The following MLLT10 variants were observed in gnomAD, a reference collection of about 807,000 sequenced individuals.
The protein encoded by MLLT10 is MLLT10 histone lysine methyltransferase DOT1L cofactor.
MLLT10 carries 30 observed loss-of-function variants against 129.1 expected under a neutral mutation model. The ratio of observed to expected loss-of-function variants is 0.23; its 90% CI spans 0.17 to 0.32. The LOEUF (loss-of-function observed/expected upper bound fraction) is 0.32. MLLT10 is among the 10% of genes least tolerant of loss of function. MLLT10 has a pLI of 1.00. For synonymous variants in MLLT10, 490 were observed against 446.4 expected (o/e 1.10, Z -1.23); for missense variants, 1,119 against 1,268.3 (o/e 0.88, Z 1.79).
intron 8 of MLLT10, chr10:21,625,024 A>G (rs2046294863): frequency 1.0e-6 from 1 of 973,892 alleles, no homozygotes; most frequent in Middle Eastern, 2.1e-4. Flanking sequence ...TAGCCATAGT[A>G]GGGAATCTTC....
intron 2 of MLLT10, among the ~76,000 whole-genome samples, chr10:21,537,362 A>G (rs535845772): frequency 5.3e-5 from 8 of 152,096 alleles, no homozygotes; most frequent in South Asian, 2.1e-4. Flanking sequence ...CAGTGGGGCA[A>G]TCTCGGCTCA....
intron 10 of MLLT10, among the ~76,000 whole-genome samples, chr10:21,672,795 A>G (rs1307591806): frequency 6.6e-6 from 1 of 152,230 alleles, no homozygotes; most frequent in African/African-American, 2.4e-5. Context: ...CAGCTGAACA[A>G]TAACAATCAC....
intron 3 of MLLT10, among the ~76,000 whole-genome samples, chr10:21,581,131 T>C (rs1219122195): frequency 2.0e-5 from 3 of 151,250 alleles, no homozygotes; most frequent in Non-Finnish European, 2.9e-5. Context: ...CTGCAAGCTC[T>C]GCTTCCCGGG....
chr10:21,681,460 C>T, intron 12 of MLLT10, 84 bp downstream of exon 12: 3 of 919,996 alleles, frequency 3.3e-6, no homozygotes, highest in Non-Finnish European at 5.0e-6. Flanking sequence ...CTCGGAACCT[C>T]TAAATTTTAA....
intron 9 of MLLT10, among the ~76,000 whole-genome samples, chr10:21,654,182 A>G (rs1183730150): frequency 4.6e-5 from 7 of 152,206 alleles, no homozygotes; most frequent in African/African-American, 1.7e-4. Flanking sequence ...TGCTTTATAG[A>G]GAGAATGGGG....
intron 3 of MLLT10, among the ~76,000 whole-genome samples, chr10:21,550,019 C>G (rs751176452): frequency 6.6e-6 from 1 of 152,168 alleles, no homozygotes; most frequent in Non-Finnish European, 1.5e-5. Context: ...TTAATTGTTA[C>G]TGAGCCTGCA....
chr10:21,654,447 C>G (rs1445534148), intron 9 of MLLT10, among the ~76,000 whole-genome samples: 1 of 152,054 alleles, frequency 6.6e-6, no homozygotes, highest in Non-Finnish European at 1.5e-5. Context: ...TGTGATAAAT[C>G]CAGACGTTTT....
chr10:21,700,374 T>A (rs1162257101), intron 13 of MLLT10, among the ~76,000 whole-genome samples: 1 of 152,202 alleles, frequency 6.6e-6, no homozygotes, highest in Admixed American at 6.5e-5. Flanking sequence ...GTTGCCAGAT[T>A]GCTCTGGTTA....
chr10:21,654,308 A>C (rs1016635815), intron 9 of MLLT10, among the ~76,000 whole-genome samples: 1 of 152,132 alleles, frequency 6.6e-6, no homozygotes, highest in Non-Finnish European at 1.5e-5. Flanking sequence ...AAATAATAGG[A>C]TGTTAGGTAC....
At chr10:21,710,256 TG>T (rs2055945521) in intron 13 of MLLT10, among the ~76,000 whole-genome samples, 1 of 152,200 alleles carries the variant, frequency 6.6e-6, no homozygotes, top group Non-Finnish European at 1.5e-5. Context: ...TATCAAGAGT[TG>T]TAAGTAAAAT....
At chr10:21,673,194 T>G (rs189599768) in intron 10 of MLLT10, among the ~76,000 whole-genome samples, 156 bp from the exon 11 acceptor site, 2 of 152,286 alleles carry the variant, frequency 1.3e-5, no homozygotes, top group Admixed American at 6.5e-5. Context: ...TTGACAAGTC[T>G]TAATATACGA....
At position 21,673,366 on chromosome 10, in the gene MLLT10, T is replaced by C. The variant is rs756895192; in HGVS notation, c.1068T>C (p.Thr356=). 179 of 949,154 alleles carry C rather than the reference T, an allele frequency of 1.9e-4. No homozygotes were observed. The highest frequency in any genetic ancestry group is 2.1e-4 in the Non-Finnish European group (151 of 714,842). 58.8% of individuals were successfully genotyped at this position (949,154 alleles called of 1,614,324 possible). The change falls in exon 11 of 23, where the codon ACT becomes ACC. Residue 356 remains threonine, a synonymous_variant. Transcript: ENST00000307729. ...AAACTACAGGCAGTTTTTCAGGAAC[T>C]CCAGGCAGTGTAAAGTCATCTTCTG... ...SPFPQGSFSG[T]PGSVKSSSGS... is the part of the protein sequence containing the mutation.
intron 11 of MLLT10, among the ~76,000 whole-genome samples, chr10:21,678,413 C>T (rs769449812): frequency 6.6e-6 from 1 of 151,964 alleles, no homozygotes; most frequent in Admixed American, 6.6e-5. Context: ...ATTTTTAAAG[C>T]TTTTCATGTA....
intron 13 of MLLT10, among the ~76,000 whole-genome samples, chr10:21,698,999 G>A (rs1004245562): frequency 1.1e-4 from 17 of 152,046 alleles, no homozygotes; most frequent in African/African-American, 3.4e-4. Context: ...CTCAGCCCCC[G>A]TAGTAGCTGG....
intron 9 of MLLT10, chr10:21,661,560 A>AAT (rs1564600384): frequency 6.6e-6 from 1 of 152,152 alleles, no homozygotes; most frequent in Non-Finnish European, 1.5e-5. Context: ...TTCTGTTCAT[A>AAT]ATATAGTATT....
rs532750968 is a variant in MLLT10, at chr10:21,628,698, C to A, written c.699+11491C>A. 6.6e-5 allele frequency among the ~76,000 whole-genome samples: 10 copies of A among 150,646 alleles called. No homozygotes were observed. The East Asian group carries it at 2.0e-3, about 30-fold the overall frequency. ...TCAGGTGATCTGCCTGCCTTGGCCTCCCAAAGTGCTGGGATTACAGGCATG... is the reference window on the plus strand; with the variant it reads ...TCAGGTGATCTGCCTGCCTTGGCCTACCAAAGTGCTGGGATTACAGGCATG... On this transcript the variant is annotated intron_variant, in intron 8 of 22. Transcript: ENST00000307729.
At chr10:21,551,840 G>C (rs552838447) in intron 3 of MLLT10, 5 of 411,292 alleles carry the variant, frequency 1.2e-5, no homozygotes, top group African/African-American at 8.7e-5. Context: ...TGTTGCCCAG[G>C]CTAAAGTGCA....
intron 8 of MLLT10, among the ~76,000 whole-genome samples, chr10:21,643,536 A>C (rs2048213873): frequency 6.6e-6 from 1 of 152,178 alleles, no homozygotes; most frequent in Admixed American, 6.5e-5. Flanking sequence ...TTCAATAATA[A>C]GTTCTTAGGA....
chr10:21,618,796 G>A (rs1158059438), intron 8 of MLLT10, among the ~76,000 whole-genome samples: 2 of 151,872 alleles, frequency 1.3e-5, no homozygotes, highest in Non-Finnish European at 2.9e-5. Context: ...GCAGTGGCGT[G>A]ATCTCGTGTT....
Sources: gnomAD v4.1 joint callset for allele counts (sites outside exome capture counted in the v4.1 genomes callset) on GRCh38, gnomAD v4.1.1 for gene constraint, MANE v1.5 for transcripts, NCBI Gene and HGNC (gene_info 2026-07-23, HGNC 2026-07-21) for gene names.